Variants in PDCD6 observed in about 807,000 individuals in gnomAD.
PDCD6 encodes programmed cell death 6.
Under a neutral mutation model 28.3 loss-of-function variants are expected in PDCD6, and 12 were observed. The observed-to-expected ratio is 0.42, with a 90% CI of 0.27 to 0.69. The LOEUF is 0.69. PDCD6 is among the 30% of genes least tolerant of loss of function. The pLI, the probability that PDCD6 is intolerant of heterozygous loss-of-function variation, is 0.22. For synonymous variants in PDCD6, 92 were observed against 108.0 expected, an observed-to-expected ratio of 0.85 and a Z score of 0.92; for missense variants, 226 against 269.9, an observed-to-expected ratio of 0.84 and a Z score of 1.14.
At chr5:291,894 T>G (rs573917568) in intron 2 of PDCD6, among the ~76,000 whole-genome samples, 1 of 152,386 alleles carries the variant, frequency 6.6e-6, no homozygotes, top group East Asian at 1.9e-4. Context: ...TGCAAGTTGC[T>G]TCTGGTCAGT....
rs187459406 is a variant in PDCD6, at chr5:311,557, T to C, written c.477+155T>C. 8 of 610,356 alleles carry C rather than the reference T, an allele frequency of 1.3e-5. No individual in the cohort carries two copies. In the East Asian group the frequency reaches 2.2e-4, roughly 17 times the overall value. The allele number at this position is 610,356 out of a possible 1,614,324, so 37.8% of individuals were successfully genotyped here. A position where few individuals can be genotyped will look rare whatever the true frequency, so the allele number is the denominator to read the frequency against. ...GTCTCATCTTTGGAGAAGTAGCCGGTTAGTGAAGTGTGGACAAACATGTTT... is the reference window on the plus strand; with the variant it reads ...GTCTCATCTTTGGAGAAGTAGCCGGCTAGTGAAGTGTGGACAAACATGTTT... On this transcript the variant is annotated intron_variant, in intron 5 of 5. Transcript: ENST00000264933.
chr5:271,747 CCCTGGGGCCGGCCCTGGG>C lies in PDCD6; in HGVS notation c.32_49del (p.Gly11_Pro16del), dbSNP rs771568592. 12 of 1,180,150 alleles carry C rather than the reference CCCTGGGGCCGGCCCTGGG, an allele frequency of 1.0e-5. No individual in the cohort carries two copies. In the Admixed American group the frequency reaches 3.4e-4, roughly 33 times the overall value. The allele number at this position is 1,180,150 out of a possible 1,614,324, so 73.1% of individuals were successfully genotyped here. A position where few individuals can be genotyped will look rare whatever the true frequency, so the allele number is the denominator to read the frequency against. ...TGGCCGCCTACTCTTACCGCCCCGG[CCCTGGGGCCGGCCCTGGG>C]CCTGCTGCAGGCGCGGCGCTGCCGG... On this transcript the variant is annotated inframe_deletion, in exon 1 of 6. Coordinates refer to ENST00000264933, the MANE Select transcript of PDCD6 (RefSeq NM_013232.4).
intron 2 of PDCD6, among the ~76,000 whole-genome samples, chr5:302,346 G>T (rs1344588758): frequency 4.1e-5 from 6 of 144,706 alleles, no homozygotes; most frequent in African/African-American, 1.6e-4. Context: ...TGTGGGAAGG[G>T]CACAGCTTCC....
chr5:294,667 C>A (rs1391470718), intron 2 of PDCD6, among the ~76,000 whole-genome samples: 2 of 152,212 alleles, frequency 1.3e-5, no homozygotes, highest in African/African-American at 4.8e-5. Context: ...ACATCCTTAC[C>A]CTGTCATCCA....
chr5:279,783 C>G (rs1434865466), intron 2 of PDCD6, among the ~76,000 whole-genome samples: 1 of 75,586 alleles, frequency 1.3e-5, no homozygotes, highest in African/African-American at 6.5e-5. Flanking sequence ...AAAGTAATGG[C>G]AAAAAAAAAA....
At chr5:311,656 A>G (rs1361634848) in intron 5 of PDCD6, 3 of 465,808 alleles carry the variant, frequency 6.4e-6, no homozygotes, top group South Asian at 2.5e-5. Context: ...GGTTATTTAC[A>G]TGTATGTTCT....
intron 2 of PDCD6, among the ~76,000 whole-genome samples, chr5:300,007 G>T (rs1373036435): frequency 4.6e-5 from 7 of 152,200 alleles, no homozygotes; most frequent in Admixed American, 4.6e-4. Flanking sequence ...TGGGCCCAGG[G>T]ATGTGGGTGA....
chr5:306,401 C>G, intron 3 of PDCD6: 1 of 575,582 alleles, frequency 1.7e-6, no homozygotes, highest in Non-Finnish European at 3.1e-6. Context: ...GGGACAATCC[C>G]CCACACCCCC....
chr5:289,935 C>T (rs1274630461), intron 2 of PDCD6: 7 of 1,526,714 alleles, frequency 4.6e-6, no homozygotes, highest in Admixed American at 1.7e-5. Flanking sequence ...AGCTAACAAC[C>T]ATCACATCCT....
intron 2 of PDCD6, among the ~76,000 whole-genome samples, chr5:297,374 T>C (rs1250681972): frequency 6.6e-6 from 1 of 152,252 alleles, no homozygotes; most frequent in East Asian, 1.9e-4. Context: ...TTCATAATTG[T>C]GTTTCTCTTG....
chr5:284,663 A>T (rs1438639904), intron 2 of PDCD6, among the ~76,000 whole-genome samples: 7 of 92,268 alleles, frequency 7.6e-5, no homozygotes, highest in Non-Finnish European at 1.2e-4. Flanking sequence ...ACCGGGCGGG[A>T]GCTGATGTTC....
At chr5:285,210 T>A (rs913772873) in intron 2 of PDCD6, among the ~76,000 whole-genome samples, 2 of 150,830 alleles carry the variant, frequency 1.3e-5, no homozygotes, top group Admixed American at 1.3e-4. Flanking sequence ...ACGTTCTAGT[T>A]TTAGGGCCGT....
At chr5:311,132 G>A in intron 4 of PDCD6, 161 bp from the exon 5 acceptor site, 1 of 657,102 alleles carries the variant, frequency 1.5e-6, no homozygotes, top group Non-Finnish European at 2.8e-6. Context: ...TTCGGGAAGT[G>A]TCTCAGTTCT....
Position 291,459 on chromosome 5 carries a change from T to TGG in PDCD6, c.164-12717_164-12716insGG, listed in dbSNP as rs1300093800. Among the ~76,000 whole-genome samples the TGG allele has an allele frequency of 5.2e-4, 78 of 150,814 alleles. No homozygotes were observed. The East Asian group carries it at 8.8e-3, about 17-fold the overall frequency. On this transcript the variant is annotated intron_variant, in intron 2 of 5. Coordinates refer to ENST00000264933, the MANE Select transcript of PDCD6 (RefSeq NM_013232.4). ...TTCTCTGCCTGAGACCCACCCACAC[T>TGG]GACATGGTTCATTTTCATTGCTGCG...
intron 2 of PDCD6, among the ~76,000 whole-genome samples, chr5:273,670 C>T (rs1307813100): frequency 2.0e-5 from 3 of 149,296 alleles, no homozygotes; most frequent in Non-Finnish European, 2.9e-5. Flanking sequence ...GGCTGCTAGA[C>T]ACTGCCTCAC....
rs1352956897 is a variant in PDCD6 at position 279,657 on chromosome 5, G to A, written c.163+6885G>A. Among the ~76,000 whole-genome samples the A allele has an allele frequency of 2.0e-5, 3 of 151,830 alleles. No homozygotes were observed. The East Asian group carries it at 5.8e-4, about 29-fold the overall frequency. ...GATTATTGACAATGTGTGGGAAGGT[G>A]GAGTTATTTGAGTAGATTTGGCCTC... On this transcript the variant is annotated intron_variant, in intron 2 of 5. Coordinates refer to ENST00000264933, the MANE Select transcript of PDCD6 (RefSeq NM_013232.4).
At chr5:280,725 G>T (rs1196191901) in intron 2 of PDCD6, among the ~76,000 whole-genome samples, 1 of 150,916 alleles carries the variant, frequency 6.6e-6, no homozygotes, top group African/African-American at 2.4e-5. Context: ...GGCACTGTAG[G>T]CTGTGGATGG....
rs866975794 is a variant in PDCD6, at chr5:314,337, G to A, written c.478-80G>A. The A allele has an allele frequency of 2.1e-5, 20 of 945,896 alleles. No homozygotes were observed. The Middle Eastern group carries it at 4.3e-3, about 205-fold the overall frequency. The allele number at this position is 945,896 out of a possible 1,614,324, so 58.6% of individuals were successfully genotyped here. On this transcript the variant is annotated intron_variant, in intron 5 of 5. Coordinates refer to ENST00000264933, the MANE Select transcript of PDCD6 (RefSeq NM_013232.4). ...AGAAGACGTGTGTGCTTCTGAAATT[G>A]GGTCCCTACATGCCTTTGTCCCAGT... is the stretch of plus-strand genomic sequence containing the variant.
chr5:312,599 C>A (rs143485682), intron 5 of PDCD6, among the ~76,000 whole-genome samples: 4 of 152,088 alleles, frequency 2.6e-5, no homozygotes, highest in Non-Finnish European at 2.9e-5. Context: ...CCCTGCCTCT[C>A]GGGGTTCCTG....
Sources: allele counts gnomAD v4.1 joint callset (sites outside exome capture counted in the v4.1 genomes callset), GRCh38; gene constraint gnomAD v4.1.1; transcripts MANE v1.5; gene names NCBI Gene and HGNC (gene_info 2026-07-23, HGNC 2026-07-21).